The following RAB11FIP1 variants were observed in gnomAD, a reference collection of about 807,000 sequenced individuals.
The protein encoded by RAB11FIP1 is RAB11 family interacting protein 1, also known as rab11 family-interacting protein 1.
A neutral mutation model predicts 83.1 loss-of-function variants in RAB11FIP1; 49 were observed. The ratio of observed to expected loss-of-function variants is 0.59; its 90% CI spans 0.47 to 0.75. The LOEUF is 0.75. Among genes scored for constraint, RAB11FIP1 ranks in the 30% least tolerant of loss-of-function variants. RAB11FIP1 has a pLI of 0.00. For missense variants in RAB11FIP1, 1,536 were observed against 1,598.7 expected, an observed-to-expected ratio of 0.96 and a Z score of 0.67; for synonymous variants, 670 against 656.0, an observed-to-expected ratio of 1.02 and a Z score of -0.33.
intron 5 of RAB11FIP1, among the ~76,000 whole-genome samples, chr8:37,866,344 A>G (rs564697744): frequency 1.3e-5 from 2 of 152,204 alleles, no homozygotes; most frequent in South Asian, 4.1e-4. Context: ...CAAAAAAAAA[A>G]AAAAATTATA....
Position 37,899,039 on chromosome 8 carries a change from G to A in RAB11FIP1, c.371+32C>T, listed in dbSNP as rs1452908917. 6.9e-7 allele frequency: 1 copy of A among 1,442,836 alleles called. No individual in the cohort carries two copies. Among genetic ancestry groups the A allele is most frequent in the Non-Finnish European group, 9.0e-7 (1 of 1,107,548 alleles). 89.4% of individuals were successfully genotyped at this position (1,442,836 alleles called of 1,614,324 possible). ...CCTGCCGGAGGGGTCCGCGCCCCCA[G>A]GCCGGGCCCTCCCCTCCCCGCCCGC... On this transcript the variant is annotated intron_variant, in intron 1 of 5. Transcript: ENST00000330843. This position sits in a 1 kb window ranked among gnomAD's most constrained non-coding sequence, Gnocchi z 4.5.
chr8:37,868,498 T>C (rs1253346937), intron 5 of RAB11FIP1, among the ~76,000 whole-genome samples: 2 of 151,552 alleles, frequency 1.3e-5, no homozygotes, highest in Non-Finnish European at 2.9e-5. Flanking sequence ...TGGAATGAAA[T>C]TTTAGCTGCT....
intron 1 of RAB11FIP1, among the ~76,000 whole-genome samples, chr8:37,886,996 G>A (rs1486436815): frequency 2.6e-5 from 4 of 152,048 alleles, no homozygotes; most frequent in Non-Finnish European, 4.4e-5. Flanking sequence ...GCAGTTTAAC[G>A]AGCGCTGGTA....
At chr8:37,891,397 G>A (rs904744958) in intron 1 of RAB11FIP1, among the ~76,000 whole-genome samples, 1 of 152,166 alleles carries the variant, frequency 6.6e-6, no homozygotes, top group Non-Finnish European at 1.5e-5. Context: ...CAATTTTCCA[G>A]GGCGTATAGC....
chr8:37,872,222 C>T lies in RAB11FIP1; in HGVS notation c.2580G>A (p.Glu860=). The T allele has an allele frequency of 1.9e-6, 3 of 1,614,072 alleles. No individual in the cohort carries two copies. The highest frequency in any genetic ancestry group is 2.5e-6 in the Non-Finnish European group (3 of 1,179,984). ...DGEPPESPHA[E]DSERESVTTP... Reference sequence around the variant, plus strand: ...TGGTCACCGATTCCCTTTCTGAGTCCTCTGCGTGGGGAGACTCAGGAGGCT... The same window carrying T: ...TGGTCACCGATTCCCTTTCTGAGTCTTCTGCGTGGGGAGACTCAGGAGGCT... Residue 860 remains glutamate, a synonymous_variant, in exon 4 of 6, where the codon GAG becomes GAA. Coordinates refer to ENST00000330843, the MANE Select transcript of RAB11FIP1 (RefSeq NM_001002814.3).
Position 37,863,065 on chromosome 8 carries a change from C to G in RAB11FIP1, c.3682G>C (p.Asp1228His). The part of the protein sequence containing the change: ...PAFAYAQLTH[D>H]ELIQLVLKQK... ...TTGAGGACCAGCTGAATCAGCTCAT[C>G]GTGGGTCAGCTGCGCATATGCAAAT... The change falls in exon 6 of 6, where the codon GAT becomes CAT. Residue 1228 changes from aspartate to histidine, a missense_variant. Asp to His is a moderately conservative substitution (Grantham distance 81, BLOSUM62 -1). Coordinates refer to ENST00000330843, the MANE Select transcript of RAB11FIP1 (RefSeq NM_001002814.3). 1.2e-6 allele frequency: 2 copies of G among 1,612,524 alleles called. No homozygotes were observed. The highest frequency in any genetic ancestry group is 1.7e-6 in the Non-Finnish European group (2 of 1,179,956).
At chr8:37,880,793 C>T (rs911225201) in intron 1 of RAB11FIP1, among the ~76,000 whole-genome samples, 2 of 151,850 alleles carry the variant, frequency 1.3e-5, no homozygotes, top group Non-Finnish European at 1.5e-5. Flanking sequence ...AAATGTGAGC[C>T]CAGTTTGTAG....
At chr8:37,880,338 C>T (rs1386112438) in intron 1 of RAB11FIP1, among the ~76,000 whole-genome samples, 2 of 151,910 alleles carry the variant, frequency 1.3e-5, no homozygotes, top group African/African-American at 4.8e-5. Flanking sequence ...TCGCTCTGTC[C>T]CCCAGGCTGG....
In RAB11FIP1 at chr8:37,895,313, G is replaced by A. The variant is rs1466545919; in HGVS notation, c.371+3758C>T. Reference sequence around the variant, plus strand: ...TTTTTTGGTAGAGTTTGGGTCTCACGTTACCCGGGCTGGTCTTGAACTCCT... The same window carrying A: ...TTTTTTGGTAGAGTTTGGGTCTCACATTACCCGGGCTGGTCTTGAACTCCT... On this transcript the variant is annotated intron_variant, in intron 1 of 5. Transcript: ENST00000330843. Among the ~76,000 whole-genome samples, 72 of 94,526 alleles carry A rather than the reference G, an allele frequency of 7.6e-4. 1 individual carries two copies. Among genetic ancestry groups the A allele is most frequent in the African/African-American group, 2.8e-3 (65 of 23,610 alleles). 62.0% of individuals were successfully genotyped at this position (94,526 alleles called of 152,430 possible).
In RAB11FIP1 at chr8:37,877,561, G is replaced by A; in HGVS notation, c.372-10C>T. 1 of 1,578,034 alleles carries A rather than the reference G, an allele frequency of 6.3e-7. No individual in the cohort carries two copies. Among genetic ancestry groups the A allele is most frequent in the Non-Finnish European group, 8.6e-7 (1 of 1,161,218 alleles). Reference sequence around the variant, plus strand: ...TTTCAACTTATACCACCTGAAAGGAGAAAGGCTGAGGAGTTACCTTTGAAT... The same window carrying A: ...TTTCAACTTATACCACCTGAAAGGAAAAAGGCTGAGGAGTTACCTTTGAAT... On this transcript the variant is annotated splice_polypyrimidine_tract_variant and intron_variant, in intron 1 of 5. Transcript: ENST00000330843.
chr8:37,866,111 G>A (rs376574117), intron 5 of RAB11FIP1, among the ~76,000 whole-genome samples: 62 of 152,174 alleles, frequency 4.1e-4, no homozygotes, highest in Middle Eastern at 3.4e-3. Flanking sequence ...TGAAGTGGGC[G>A]GATCATGAGG....
intron 3 of RAB11FIP1, chr8:37,873,412 C>A: frequency 2.3e-6 from 1 of 431,004 alleles, no homozygotes; most frequent in African/African-American, 2.0e-5. Flanking sequence ...CAAGACCAGC[C>A]CAGCCAACAT....
chr8:37,874,510 C>T lies in RAB11FIP1; in HGVS notation c.1622+5G>A. 1 of 1,612,530 alleles carries T rather than the reference C, an allele frequency of 6.2e-7. No homozygotes were observed. On this transcript the variant is annotated splice_donor_5th_base_variant and intron_variant, in intron 3 of 5. Coordinates refer to ENST00000330843, the MANE Select transcript of RAB11FIP1 (RefSeq NM_001002814.3). Reference sequence around the variant, plus strand: ...ATGCCCTGCACGAGAAGAGCCAAAACTCACCGGGGCTTGACAGCTCTGGTC... The same window carrying T: ...ATGCCCTGCACGAGAAGAGCCAAAATTCACCGGGGCTTGACAGCTCTGGTC...
rs1454284289 is a variant in RAB11FIP1, at chr8:37,860,817, T to C, written c.*2078A>G. On this transcript the variant is annotated 3_prime_UTR_variant, in exon 6 of 6. Coordinates refer to ENST00000330843, the MANE Select transcript of RAB11FIP1 (RefSeq NM_001002814.3). ...TAGCTGTAGATAATTAAAAGCTAAT[T>C]AGATAAATCAAGTTACAGTATCATC... is the stretch of plus-strand genomic sequence containing the variant. The C allele has an allele frequency of 6.6e-6, 1 of 152,642 alleles. No individual in the cohort carries two copies. The highest frequency in any genetic ancestry group is 1.5e-5 in the Non-Finnish European group (1 of 68,046). The allele number at this position is 152,642 out of a possible 1,614,324, so 9.5% of individuals were successfully genotyped here.
chr8:37,871,363 G>T lies in RAB11FIP1; in HGVS notation c.3439C>A (p.Pro1147Thr). ...GGTGAGACCCAGGCCTGGAGGAGTG[G>T]CTTCCTCTTGCCAAAATTTTCAACT... ...GRVENFGKRKPLLQAWVSPSE... is the reference protein window; with the variant it reads ...GRVENFGKRKTLLQAWVSPSE... The change falls in exon 4 of 6, where the codon CCA (proline) becomes ACA (threonine). Residue 1147 changes from proline (P) to threonine (T), a missense_variant. Coordinates refer to ENST00000330843, the MANE Select transcript of RAB11FIP1 (RefSeq NM_001002814.3). The T allele has an allele frequency of 1.2e-5, 20 of 1,614,194 alleles. No individual in the cohort carries two copies. The highest frequency in any genetic ancestry group is 1.6e-5 in the Non-Finnish European group (19 of 1,180,038).
rs776710257 is a variant in RAB11FIP1 at position 37,875,233 on chromosome 8, G to A, written c.904C>T (p.Leu302Phe). The change falls in exon 3 of 6, where the codon CTT becomes TTT. Residue 302 changes from leucine (L) to phenylalanine (F), a missense_variant. Coordinates refer to ENST00000330843, the MANE Select transcript of RAB11FIP1 (RefSeq NM_001002814.3). ...TCATTCTTAGACCGAAGGCCACCAAGAAAGGAAAGTCCTTCCTTCTTGGGA... is the reference window on the plus strand; with the variant it reads ...TCATTCTTAGACCGAAGGCCACCAAAAAAGGAAAGTCCTTCCTTCTTGGGA... ...TLPKKEGLSF[L>F]GGLRSKNDVL... 1.2e-6 allele frequency: 2 copies of A among 1,614,044 alleles called. No homozygotes were observed. The highest frequency in any genetic ancestry group is 1.7e-6 in the Non-Finnish European group (2 of 1,180,020).
chr8:37,897,295 C>A (rs548466732), intron 1 of RAB11FIP1, among the ~76,000 whole-genome samples: 1 of 151,434 alleles, frequency 6.6e-6, no homozygotes, highest in South Asian at 2.1e-4. Flanking sequence ...AAGGGAGCCT[C>A]CAGAGGACAA....
intron 1 of RAB11FIP1, among the ~76,000 whole-genome samples, chr8:37,894,310 C>G (rs954546289): frequency 6.6e-6 from 1 of 152,172 alleles, no homozygotes; most frequent in Non-Finnish European, 1.5e-5. Flanking sequence ...GCATCCAACT[C>G]TCCCAGAAAA....
intron 1 of RAB11FIP1, among the ~76,000 whole-genome samples, chr8:37,894,367 T>C (rs1807017037): frequency 6.6e-6 from 1 of 152,126 alleles, no homozygotes; most frequent in Non-Finnish European, 1.5e-5. Flanking sequence ...TAACCAACAT[T>C]TCTGTTGGCA....
Sources: allele counts gnomAD v4.1 joint callset (sites outside exome capture counted in the v4.1 genomes callset), GRCh38; gene constraint gnomAD v4.1.1; non-coding constraint Gnocchi (gnomAD v3.1); transcripts MANE v1.5; gene names NCBI Gene and HGNC (gene_info 2026-07-23, HGNC 2026-07-21).